ZBTB1: variants seen among roughly 807,000 people sequenced by gnomAD.
ZBTB1 encodes zinc finger and BTB domain-containing protein 1.
Under a neutral mutation model 51.6 loss-of-function variants are expected in ZBTB1, and 13 were observed. The observed-to-expected ratio is 0.25, with a 90% confidence interval of 0.16 to 0.40. The LOEUF (loss-of-function observed/expected upper bound fraction) is 0.40. Among genes scored for constraint, ZBTB1 ranks in the 10% least tolerant of loss-of-function variants. ZBTB1 has a pLI of 1.00. For synonymous variants in ZBTB1, 240 were observed against 282.2 expected, an observed-to-expected ratio of 0.85 and a Z score of 1.50; for missense variants, 567 against 856.5, an observed-to-expected ratio of 0.66 and a Z score of 4.22.
chr14:64,510,125 C>T (rs887573974), intron 1 of ZBTB1, among the ~76,000 whole-genome samples: 2 of 152,132 alleles, frequency 1.3e-5, no homozygotes, highest in Non-Finnish European at 2.9e-5. Flanking sequence ...AGCCAAAGTC[C>T]TCGCCTTAAA....
upstream of ZBTB1, among the ~76,000 whole-genome samples, chr14:64,504,259 G>A (rs1272220627): frequency 2.6e-5 from 4 of 151,600 alleles, no homozygotes; most frequent in Admixed American, 6.6e-5. Context: ...GGAAGGTGGG[G>A]TCGGGGGGGC....
rs1407867392 is a variant in ZBTB1, at chr14:64,524,205, T to C, written c.*559T>C. On this transcript the variant is annotated 3_prime_UTR_variant, in exon 2 of 2. Transcript: ENST00000683701. Reference sequence around the variant, plus strand: ...CTGAATCTAACCTTTAAGGTTGACATGGGCTCAAACTTGGCCTAAAAAGAT... The same window carrying C: ...CTGAATCTAACCTTTAAGGTTGACACGGGCTCAAACTTGGCCTAAAAAGAT... 21 of 985,184 alleles carry C rather than the reference T, an allele frequency of 2.1e-5. No homozygotes were observed. The highest frequency in any genetic ancestry group is 2.5e-5 in the Non-Finnish European group (21 of 829,854). 61.0% of individuals were successfully genotyped at this position (985,184 alleles called of 1,614,324 possible).
chr14:64,517,007 T>G (rs2079793816), intron 1 of ZBTB1, among the ~76,000 whole-genome samples: 1 of 152,232 alleles, frequency 6.6e-6, no homozygotes, highest in South Asian at 2.1e-4. Flanking sequence ...TATCATTATT[T>G]CAAGCCTGGA....
intron 1 of ZBTB1, among the ~76,000 whole-genome samples, chr14:64,515,815 G>A (rs1434212551): frequency 1.3e-5 from 2 of 152,038 alleles, no homozygotes; most frequent in Admixed American, 6.6e-5. Flanking sequence ...CACGGTGCCC[G>A]GCCTCAAAAA....
intron 1 of ZBTB1, among the ~76,000 whole-genome samples, chr14:64,515,530 T>A (rs2079771817): frequency 6.6e-6 from 1 of 151,482 alleles, no homozygotes. Flanking sequence ...ATTTTTTTTT[T>A]TTTTTTTTGA....
chr14:64,504,862 C>T lies in ZBTB1; in HGVS notation c.-103C>T, dbSNP rs2079615594. The T allele has an allele frequency of 2.5e-6, 1 of 397,222 alleles. No homozygotes were observed. 24.6% of individuals were successfully genotyped at this position (397,222 alleles called of 1,614,324 possible). Reference sequence around the variant, plus strand: ...GCGCCGCCGCCACTGCAGCTCGCGGCCCCTTCGCCTTCGCCCGCCTTTCCC... The same window carrying T: ...GCGCCGCCGCCACTGCAGCTCGCGGTCCCTTCGCCTTCGCCCGCCTTTCCC... On this transcript the variant is annotated 5_prime_UTR_variant, in exon 1 of 2. Coordinates refer to ENST00000683701, the MANE Select transcript of ZBTB1 (RefSeq NM_001123329.2).
At chr14:64,520,526 A>G (rs554623210) in intron 1 of ZBTB1, among the ~76,000 whole-genome samples, 14 of 152,166 alleles carry the variant, frequency 9.2e-5, no homozygotes, top group African/African-American at 1.7e-4. Context: ...AGATCTTGCT[A>G]TGTTGCCCAG....
At position 64,524,627 on chromosome 14, in the gene ZBTB1, ATAAAG is replaced by A. The variant is rs145523331; in HGVS notation, c.*982_*986del. ...CATGTATATTGATAAATCTAATAAAATAAAGAGATCAATTATAAACCTGGTTGTTC... is the reference window on the plus strand; with the variant it reads ...CATGTATATTGATAAATCTAATAAAAAGATCAATTATAAACCTGGTTGTTC... On this transcript the variant is annotated 3_prime_UTR_variant, in exon 2 of 2. Coordinates refer to ENST00000683701, the MANE Select transcript of ZBTB1 (RefSeq NM_001123329.2). The A allele has an allele frequency of 1.0e-4, 99 of 982,780 alleles. 1 individual carries two copies. In the African/African-American group the frequency reaches 1.7e-3, roughly 16 times the overall value. 60.9% of individuals were successfully genotyped at this position (982,780 alleles called of 1,614,324 possible). A position where few individuals can be genotyped will look rare whatever the true frequency, so the allele number is the denominator to read the frequency against.
At chr14:64,505,200 T>C (rs991234596) in intron 1 of ZBTB1, 1 of 312,740 alleles carries the variant, frequency 3.2e-6, no homozygotes, top group Admixed American at 5.0e-5. Flanking sequence ...GTTCCCAAAT[T>C]AGTTACCTTC....
chr14:64,523,522 A>G lies in ZBTB1; in HGVS notation c.2018A>G (p.Asn673Ser). Residue 673 changes from asparagine (N) to serine (S), a missense_variant, in exon 2 of 2, where the codon AAT (asparagine) becomes AGT (serine). Coordinates refer to ENST00000683701, the MANE Select transcript of ZBTB1 (RefSeq NM_001123329.2). The surrounding 1 kb of genome is among the most constrained non-coding windows in gnomAD (Gnocchi z 4.5). ...CAGGTCTGCTTTCAGATATTCCCAA[A>G]TAATGAACAGTTGGAGCAGCACATG... ...ICQVCFQIFPNNEQLEQHMDV... is the reference protein window; with the variant it reads ...ICQVCFQIFPSNEQLEQHMDV... 6.3e-7 allele frequency: 1 copy of G among 1,595,222 alleles called. No homozygotes were observed. Among genetic ancestry groups the G allele is most frequent in the Non-Finnish European group, 8.5e-7 (1 of 1,170,138 alleles).
At chr14:64,530,359 A>G (rs1320172360) in intron 2 of ZBTB1, among the ~76,000 whole-genome samples, 2 of 152,234 alleles carry the variant, frequency 1.3e-5, no homozygotes, top group Admixed American at 6.5e-5. Context: ...CTGTAATCCC[A>G]GCACTTTGAG....
chr14:64,520,776 T>C (rs2079852040), intron 1 of ZBTB1, among the ~76,000 whole-genome samples: 1 of 152,192 alleles, frequency 6.6e-6, no homozygotes, highest in South Asian at 2.1e-4. Context: ...AATAAGTTTT[T>C]CATACTTTAC....
chr14:64,520,207 G>A (rs977104628), intron 1 of ZBTB1, among the ~76,000 whole-genome samples: 1 of 152,096 alleles, frequency 6.6e-6, no homozygotes, highest in African/African-American at 2.4e-5. Flanking sequence ...GTTTCACTGT[G>A]TTAGCCAGGA....
At chr14:64,527,955 G>A (rs1366483918), downstream of ZBTB1, among the ~76,000 whole-genome samples, 1 of 152,050 alleles carries the variant, frequency 6.6e-6, no homozygotes, top group Non-Finnish European at 1.5e-5. Context: ...CCAAGGATAT[G>A]CCTAAATAAT....
At chr14:64,520,440 G>A (rs1289732631) in intron 1 of ZBTB1, among the ~76,000 whole-genome samples, 2 of 152,028 alleles carry the variant, frequency 1.3e-5, no homozygotes, top group African/African-American at 2.4e-5. Context: ...TCAGTCTCCC[G>A]AGTAGTTGGG....
chr14:64,513,844 G>A (rs927823002), intron 1 of ZBTB1, among the ~76,000 whole-genome samples: 1 of 152,082 alleles, frequency 6.6e-6, no homozygotes, highest in Non-Finnish European at 1.5e-5. Flanking sequence ...TATTTTTGTA[G>A]AGACAGAGTT....
chr14:64,512,693 G>A (rs777248743), intron 1 of ZBTB1, among the ~76,000 whole-genome samples: 7 of 152,192 alleles, frequency 4.6e-5, no homozygotes, highest in Non-Finnish European at 1.0e-4. Context: ...CACCAGTGCA[G>A]ATAGTGCATA....
chr14:64,518,217 A>G (rs1261134500), intron 1 of ZBTB1: 12 of 152,098 alleles, frequency 7.9e-5, no homozygotes, highest in Admixed American at 6.5e-4. Flanking sequence ...TTTTTTTACT[A>G]GGCATTCAAA....
chr14:64,518,904 G>GTGTATATATATATATA (rs71444662), intron 1 of ZBTB1, among the ~76,000 whole-genome samples: 4 of 95,120 alleles, frequency 4.2e-5, no homozygotes, highest in African/African-American at 1.8e-4. Context: ...TTGCAGAGAG[G>GTGTATATATATATATA]TATATATATA....
Sources: gnomAD v4.1 joint callset for allele counts (sites outside exome capture counted in the v4.1 genomes callset) on GRCh38, gnomAD v4.1.1 for gene constraint, Gnocchi (gnomAD v3.1) non-coding constraint, MANE v1.5 for transcripts, NCBI Gene and HGNC (gene_info 2026-07-23, HGNC 2026-07-21) for gene names.